GFPT2: variants seen among roughly 807,000 people sequenced by gnomAD.
GFPT2 encodes glutamine--fructose-6-phosphate aminotransferase [isomerizing] 2.
GFPT2 carries 62 observed loss-of-function variants against 85.6 expected under a neutral mutation model. The observed-to-expected ratio is 0.72, with a 90% CI of 0.59 to 0.90. The LOEUF is 0.90. GFPT2 is among the 40% of genes least tolerant of loss of function. The pLI is 0.00. For synonymous variants in GFPT2, 368 were observed against 344.5 expected, an observed-to-expected ratio of 1.07 and a Z score of -0.75; for missense variants, 788 against 893.4, an observed-to-expected ratio of 0.88 and a Z score of 1.50.
chr5:180,339,145 C>T (rs1235693697), intron 1 of GFPT2, among the ~76,000 whole-genome samples: 1 of 151,968 alleles, frequency 6.6e-6, no homozygotes, highest in Admixed American at 6.6e-5. Context: ...TTTGGGAGGC[C>T]GAGGTGGGTG....
At position 180,313,021 on chromosome 5, in the gene GFPT2, CCT is replaced by C. The variant is rs1301300863; in HGVS notation, c.1432-479_1432-478del. On this transcript the variant is annotated intron_variant, in intron 14 of 18. Coordinates refer to ENST00000253778, the MANE Select transcript of GFPT2 (RefSeq NM_005110.4). The stretch of plus-strand genomic sequence containing the variant: ...CAAACCCCTGACCTCAGGTGATCCC[CCT>C]GCCTCGGCCTCCCAAAGTGCTGGGA... Among the ~76,000 whole-genome samples, 192 of 152,122 alleles carry C rather than the reference CCT, an allele frequency of 1.3e-3. 1 individual carries two copies. Among genetic ancestry groups the C allele is most frequent in the Non-Finnish European group, 2.1e-3 (145 of 67,998 alleles).
rs1462981098 is a variant in GFPT2 at position 180,336,575 on chromosome 5, C to T, written c.118G>A (p.Val40Met). 6.3e-7 allele frequency: 1 copy of T among 1,595,568 alleles called. No individual in the cohort carries two copies. Residue 40 changes from valine to methionine, a missense_variant and splice_region_variant, in exon 3 of 19, where the codon GTG becomes ATG. Val to Met is a conservative substitution (Grantham distance 21). Transcript: ENST00000253778. ...LEYRGYDSAG[V>M]AIDGNNHEVK... ...TCGTGATTATTCCCATCGATCGCCACACCTGTGATGTAGACAGCATTTGTT... is the reference window on the plus strand; with the variant it reads ...TCGTGATTATTCCCATCGATCGCCATACCTGTGATGTAGACAGCATTTGTT...
Position 180,338,551 on chromosome 5 carries a change from G to C in GFPT2, c.57C>G (p.Ile19Met). The C allele has an allele frequency of 6.2e-7, 1 of 1,612,956 alleles. No homozygotes were observed. Among genetic ancestry groups the C allele is most frequent in the Non-Finnish European group, 8.5e-7 (1 of 1,178,916 alleles). Residue 19 changes from isoleucine to methionine, a missense_variant, in exon 2 of 19, where the codon ATC becomes ATG. By Grantham distance (10) the Ile-to-Met change is conservative. Transcript: ENST00000253778. ...GCAGGCCCTTGATGAGGGTTTCGAA[G>C]ATCTCCTTCCTCGTCCGGGGGACTC... ...NYRVPRTRKE[I>M]FETLIKGLQR...
chr5:180,340,168 C>T (rs1006366395), intron 1 of GFPT2, among the ~76,000 whole-genome samples: 2 of 151,774 alleles, frequency 1.3e-5, no homozygotes, highest in Middle Eastern at 3.2e-3. Context: ...TGGAAGGGGC[C>T]AGGGTCTCTC....
At chr5:180,353,168 C>G in intron 1 of GFPT2, 43 bp downstream of exon 1, 3 of 1,230,058 alleles carry the variant, frequency 2.4e-6, no homozygotes, top group Non-Finnish European at 3.0e-6. Context: ...CCGGGACCCG[C>G]GGACGGCGTG....
chr5:180,318,533 G>A lies in GFPT2; in HGVS notation c.958+260C>T. 2.1e-6 allele frequency: 1 copy of A among 477,686 alleles called. No homozygotes were observed. The highest frequency in any genetic ancestry group is 3.5e-5 in the East Asian group (1 of 28,834). The allele number at this position is 477,686 out of a possible 1,614,324, so 29.6% of individuals were successfully genotyped here. A position where few individuals can be genotyped will look rare whatever the true frequency, so the allele number is the denominator to read the frequency against. On this transcript the variant is annotated intron_variant, in intron 10 of 18. Transcript: ENST00000253778. This position sits in a 1 kb window ranked among gnomAD's most constrained non-coding sequence, Gnocchi z 4.2. ...GTGTCCCGCGGAGTCGGTGAAGGAA[G>A]GCAGCTGACACACTGGGCTCAGTTC... is the stretch of plus-strand genomic sequence containing the variant.
chr5:180,310,808 T>C (rs901163565), intron 15 of GFPT2, among the ~76,000 whole-genome samples: 5 of 113,198 alleles, frequency 4.4e-5, no homozygotes, highest in African/African-American at 1.7e-4. Flanking sequence ...CAGCCACCAC[T>C]GCCTTTGCAA....
chr5:180,301,647 T>C (rs1422674257), intron 18 of GFPT2, 39 bp from the exon 19 acceptor site: 1 of 1,548,756 alleles, frequency 6.5e-7, no homozygotes, highest in Admixed American at 1.7e-5. Context: ...ACCCCAAAGA[T>C]CTCAGCAACA....
intron 2 of GFPT2, among the ~76,000 whole-genome samples, chr5:180,338,094 C>T (rs563980731): frequency 6.6e-6 from 1 of 152,260 alleles, no homozygotes; most frequent in South Asian, 2.1e-4. Context: ...AACTGCACTC[C>T]AGCCTGAGTA....
intron 1 of GFPT2, among the ~76,000 whole-genome samples, chr5:180,348,800 G>A (rs1436425929): frequency 6.7e-6 from 1 of 150,268 alleles, no homozygotes; most frequent in Non-Finnish European, 1.5e-5. Flanking sequence ...GGAGTGTAGT[G>A]GCACGATCTC....
chr5:180,325,144 G>A (rs1292209740), intron 7 of GFPT2, among the ~76,000 whole-genome samples: 1 of 152,132 alleles, frequency 6.6e-6, no homozygotes, highest in East Asian at 1.9e-4. Context: ...ACCCTCCTAG[G>A]CCGGGCCTCC....
At chr5:180,317,758 C>CAAA (rs11356791) in intron 10 of GFPT2, among the ~76,000 whole-genome samples, 1 of 83,202 alleles carries the variant, frequency 1.2e-5, no homozygotes, top group African/African-American at 5.4e-5. Flanking sequence ...GACTCCGTCT[C>CAAA]AAAAAAAAAA....
At chr5:180,313,366 C>T (rs113096165) in intron 14 of GFPT2, among the ~76,000 whole-genome samples, 27,582 of 150,356 alleles carry the variant, frequency 0.18, 2,763 homozygotes, top group East Asian at 0.35. Context: ...CCGAGGCGGG[C>T]GGATCACGAG....
In GFPT2 at chr5:180,323,054, AAAG is replaced by A. The variant is rs1764149302; in HGVS notation, c.794+1131_794+1133del. The stretch of plus-strand genomic sequence containing the variant: ...AATAAATAAATAAATAAAAATAAAA[AAAG>A]AAACATCTATCATATTTCATTGAAT... On this transcript the variant is annotated intron_variant, in intron 9 of 18. Coordinates refer to ENST00000253778, the MANE Select transcript of GFPT2 (RefSeq NM_005110.4). The surrounding 1 kb of genome is among the most constrained non-coding windows in gnomAD (Gnocchi z 4.0). 2.6e-5 allele frequency among the ~76,000 whole-genome samples: 4 copies of A among 152,288 alleles called. No homozygotes were observed. In the South Asian group the frequency reaches 8.3e-4, roughly 32 times the overall value.
chr5:180,313,297 A>T (rs1457045073), intron 14 of GFPT2, among the ~76,000 whole-genome samples: 1 of 151,800 alleles, frequency 6.6e-6, no homozygotes, highest in Non-Finnish European at 1.5e-5. Context: ...ATGAGACTAA[A>T]TGAAGATATG....
At chr5:180,315,198 G>T (rs1187427191) in intron 13 of GFPT2, among the ~76,000 whole-genome samples, 1 of 144,838 alleles carries the variant, frequency 6.9e-6, no homozygotes, top group Non-Finnish European at 1.5e-5. Context: ...TTTTTTTTGA[G>T]ACGGAGTCTC....
At position 180,304,901 on chromosome 5, in the gene GFPT2, G is replaced by C. The variant is rs375131566; in HGVS notation, c.1713C>G (p.Ile571Met). 1.9e-4 allele frequency: 306 copies of C among 1,613,156 alleles called. No homozygotes were observed. The highest frequency in any genetic ancestry group is 2.5e-4 in the Non-Finnish European group (297 of 1,179,194). The change falls in exon 17 of 19, where the codon ATC (isoleucine) becomes ATG (methionine). Residue 571 changes from isoleucine to methionine, a missense_variant. By Grantham distance (10) the Ile-to-Met change is conservative. Coordinates refer to ENST00000253778, the MANE Select transcript of GFPT2 (RefSeq NM_005110.4). ...KEITYMHSEG[I>M]LAGELKHGPL... is the part of the protein sequence containing the mutation. ...GCCCGTGCTTCAGCTCCCCAGCCAG[G>C]ATGCCTTCTGAGTGCATGTAGGTTA...
chr5:180,351,733 C>A (rs1176397255), intron 1 of GFPT2, among the ~76,000 whole-genome samples: 1 of 152,132 alleles, frequency 6.6e-6, no homozygotes, highest in African/African-American at 2.4e-5. Context: ...TAGAGCCCCC[C>A]CAAAGCTCAG....
chr5:180,322,025 G>C (rs773333228), intron 9 of GFPT2, among the ~76,000 whole-genome samples: 1 of 151,616 alleles, frequency 6.6e-6, no homozygotes, highest in Non-Finnish European at 1.5e-5. Flanking sequence ...CTGATCTCAT[G>C]ATCTGTCCGC....
Sources: gnomAD v4.1 joint callset for allele counts (sites outside exome capture counted in the v4.1 genomes callset) on GRCh38, gnomAD v4.1.1 for gene constraint, Gnocchi (gnomAD v3.1) non-coding constraint, MANE v1.5 for transcripts, NCBI Gene and HGNC (gene_info 2026-07-23, HGNC 2026-07-21) for gene names.